Variants in PCCA observed in about 807,000 individuals in gnomAD.
PCCA encodes the protein propionyl-CoA carboxylase alpha chain, mitochondrial.
In PCCA, 74 loss-of-function variants were observed where a neutral mutation model predicts 101.3. The observed-to-expected ratio is 0.73, with a 90% CI of 0.61 to 0.89. PCCA has a LOEUF of 0.89. PCCA is among the 40% of genes least tolerant of loss of function. The pLI is 0.00. For missense variants in PCCA, 891 were observed against 907.0 expected, an observed-to-expected ratio of 0.98 and a Z score of 0.23; for synonymous variants, 294 against 313.6, an observed-to-expected ratio of 0.94 and a Z score of 0.66.
At chr13:100,518,724 T>C (rs1302868629) in intron 22 of PCCA, among the ~76,000 whole-genome samples, 1 of 152,204 alleles carries the variant, frequency 6.6e-6, no homozygotes, top group Non-Finnish European at 1.5e-5. Context: ...ACTGATAGAA[T>C]AAATTTTAGT....
At chr13:100,402,721 G>C (rs753574507) in intron 19 of PCCA, among the ~76,000 whole-genome samples, 12 of 152,302 alleles carry the variant, frequency 7.9e-5, no homozygotes, top group Non-Finnish European at 1.6e-4. Flanking sequence ...GGGGTGGTAT[G>C]GGTGGGTGGT....
intron 2 of PCCA, among the ~76,000 whole-genome samples, 180 bp from the exon 3 acceptor site, chr13:100,111,661 T>G (rs2048334159): frequency 6.6e-6 from 1 of 152,198 alleles, no homozygotes; most frequent in Non-Finnish European, 1.5e-5. Context: ...AATATTACCC[T>G]AAGTATTTAT....
intron 19 of PCCA, among the ~76,000 whole-genome samples, chr13:100,392,200 G>T (rs2076831186): frequency 6.6e-6 from 1 of 152,016 alleles, no homozygotes; most frequent in Admixed American, 6.6e-5. Context: ...AGAGGAGTTG[G>T]GGAAGGAAGG....
chr13:100,496,386 G>A (rs2085278494), intron 21 of PCCA, among the ~76,000 whole-genome samples: 2 of 152,164 alleles, frequency 1.3e-5, no homozygotes, highest in Admixed American at 6.5e-5. Context: ...TGGCTTCCGT[G>A]ATCTTGACAT....
intron 12 of PCCA, among the ~76,000 whole-genome samples, chr13:100,297,435 T>G (rs1185644375): frequency 6.6e-6 from 1 of 152,208 alleles, no homozygotes; most frequent in African/African-American, 2.4e-5. Context: ...CCAAGGAGAT[T>G]TAGTTTTCCC....
At chr13:100,254,731 T>C (rs1413961476) in intron 8 of PCCA, among the ~76,000 whole-genome samples, 1 of 152,054 alleles carries the variant, frequency 6.6e-6, no homozygotes, top group African/African-American at 2.4e-5. Context: ...GCATAAGAAG[T>C]TGAGTAGAAA....
chr13:100,314,662 A>T (rs1415564595), intron 16 of PCCA, among the ~76,000 whole-genome samples: 1 of 152,222 alleles, frequency 6.6e-6, no homozygotes, highest in African/African-American at 2.4e-5. Context: ...GTACAACCTG[A>T]GTATAATCAT....
At chr13:100,413,472 TGAA>T (rs1417317794) in intron 19 of PCCA, among the ~76,000 whole-genome samples, 1 of 152,130 alleles carries the variant, frequency 6.6e-6, no homozygotes, top group Admixed American at 6.6e-5. Context: ...GAGATATTAG[TGAA>T]GAACAAGAAA....
rs187182277 is a variant in PCCA, at chr13:100,387,748, A to T, written c.1746+19174A>T. ...CACTCTACTTTTGAAACATAGGACT[A>T]AATTTTCACAAAAATGTGAAGATCC... On this transcript the variant is annotated intron_variant, in intron 19 of 23. Coordinates refer to ENST00000376285, the MANE Select transcript of PCCA (RefSeq NM_000282.4). 2.6e-5 allele frequency among the ~76,000 whole-genome samples: 4 copies of T among 152,328 alleles called. No homozygotes were observed. In the East Asian group the frequency reaches 5.8e-4, roughly 22 times the overall value.
intron 7 of PCCA, among the ~76,000 whole-genome samples, chr13:100,221,600 A>C (rs948145466): frequency 1.3e-5 from 2 of 152,140 alleles, no homozygotes; most frequent in East Asian, 3.9e-4. Context: ...GTAACATCCT[A>C]TTACACTCTC....
At chr13:100,444,431 CTTTTTTTTTTTTT>C (rs57941571) in intron 20 of PCCA, among the ~76,000 whole-genome samples, 17 of 45,462 alleles carry the variant, frequency 3.7e-4, no homozygotes, top group South Asian at 1.4e-3. Context: ...TTTGAACAAC[CTTTTTTTTTTTTT>C]TTTTTTTTTT....
At chr13:100,528,683 G>A (rs1370665079) in intron 23 of PCCA, among the ~76,000 whole-genome samples, 1 of 152,242 alleles carries the variant, frequency 6.6e-6, no homozygotes, top group Non-Finnish European at 1.5e-5. Context: ...CTGGAGGGGT[G>A]TGGACAGTTG....
At chr13:100,136,864 C>G (rs951561561) in intron 4 of PCCA, among the ~76,000 whole-genome samples, 1 of 151,620 alleles carries the variant, frequency 6.6e-6, no homozygotes, top group Non-Finnish European at 1.5e-5. Context: ...GCATTGATGT[C>G]TTTTTTCTCT....
intron 4 of PCCA, among the ~76,000 whole-genome samples, chr13:100,127,414 T>C (rs2050061457): frequency 6.6e-6 from 1 of 152,234 alleles, no homozygotes; most frequent in Non-Finnish European, 1.5e-5. Flanking sequence ...TATATCTTTT[T>C]GGTTTTGTTT....
At chr13:100,162,808 T>C (rs2054625416) in intron 6 of PCCA, among the ~76,000 whole-genome samples, 1 of 152,192 alleles carries the variant, frequency 6.6e-6, no homozygotes, top group Non-Finnish European at 1.5e-5. Context: ...AAAGTCTCCC[T>C]GGATTTGGAG....
At chr13:100,255,746 A>G (rs1431318231) in intron 8 of PCCA, among the ~76,000 whole-genome samples, 1 of 152,200 alleles carries the variant, frequency 6.6e-6, no homozygotes, top group African/African-American at 2.4e-5. Flanking sequence ...TGAGACAAAT[A>G]CCATTCTTGC....
At chr13:100,328,200 T>G (rs2068935602) in intron 16 of PCCA, among the ~76,000 whole-genome samples, 1 of 151,778 alleles carries the variant, frequency 6.6e-6, no homozygotes, top group African/African-American at 2.4e-5. Context: ...CCGTCTCTAG[T>G]AAAAATACAA....
intron 12 of PCCA, chr13:100,293,108 A>G: frequency 2.6e-6 from 1 of 390,880 alleles, no homozygotes; most frequent in Non-Finnish European, 5.3e-6. Flanking sequence ...TTAATAAGTA[A>G]GTAATTAAAA....
intron 4 of PCCA, among the ~76,000 whole-genome samples, chr13:100,136,929 T>G (rs2051253651): frequency 6.6e-6 from 1 of 151,994 alleles, no homozygotes; most frequent in Non-Finnish European, 1.5e-5. Flanking sequence ...TCCTTCTACT[T>G]TAGGTTTATT....
Sources: allele counts gnomAD v4.1 joint callset (sites outside exome capture counted in the v4.1 genomes callset), GRCh38; gene constraint gnomAD v4.1.1; transcripts MANE v1.5; gene names NCBI Gene and HGNC (gene_info 2026-07-23, HGNC 2026-07-21).